BAIAP2L1: variants seen among roughly 807,000 people sequenced by gnomAD.
BAIAP2L1 encodes the protein BAR/IMD domain containing adaptor protein 2 like 1.
Under a neutral mutation model 66.3 loss-of-function variants are expected in BAIAP2L1, and 35 were observed. The observed-to-expected ratio is 0.53, with a 90% CI of 0.40 to 0.70. The LOEUF is 0.70. Ranked by LOEUF, BAIAP2L1 falls within the 30% of genes least tolerant of loss-of-function variation. The pLI is 0.00. For synonymous variants in BAIAP2L1, 269 were observed against 248.7 expected (o/e 1.08, Z -0.77); for missense variants, 622 against 656.9 (o/e 0.95, Z 0.58).
chr7:98,388,972 T>TA (rs530629720), intron 1 of BAIAP2L1, among the ~76,000 whole-genome samples: 3,905 of 110,408 alleles, frequency 0.035, 112 homozygotes, highest in African/African-American at 0.082. Context: ...CCTAAGAAAT[T>TA]AAAAAAAAAA....
chr7:98,397,459 G>T lies in BAIAP2L1; in HGVS notation c.51+3343C>A, dbSNP rs762038039. The stretch of plus-strand genomic sequence containing the variant: ...CCTGCCTCAGCCTCCCGAGTAGCTG[G>T]GACTACAGGCACGCGCCACCACACC... On this transcript the variant is annotated intron_variant, in intron 1 of 13. Coordinates refer to ENST00000005260, the MANE Select transcript of BAIAP2L1 (RefSeq NM_018842.5). 2.6e-5 allele frequency among the ~76,000 whole-genome samples: 4 copies of T among 151,624 alleles called. No homozygotes were observed. In the East Asian group the frequency reaches 7.7e-4, roughly 29 times the overall value.
chr7:98,331,178 G>A (rs751223471), intron 3 of BAIAP2L1, among the ~76,000 whole-genome samples: 1 of 152,100 alleles, frequency 6.6e-6, no homozygotes, highest in Non-Finnish European at 1.5e-5. Flanking sequence ...ATAAACTTCC[G>A]AAACTGAAAT....
At chr7:98,354,911 C>G (rs1034857733) in intron 3 of BAIAP2L1, 131 bp downstream of exon 3, 3 of 694,498 alleles carry the variant, frequency 4.3e-6, no homozygotes, top group Non-Finnish European at 7.8e-6. Flanking sequence ...TTCCACAGAC[C>G]GCGGTGAAGT....
At chr7:98,333,770 C>T (rs1037140619) in intron 3 of BAIAP2L1, among the ~76,000 whole-genome samples, 11 of 137,192 alleles carry the variant, frequency 8.0e-5, no homozygotes, top group Non-Finnish European at 1.2e-4. Context: ...ATTTTCCCCA[C>T]GAACCAAGAA....
chr7:98,318,746 C>A (rs1391102663), intron 5 of BAIAP2L1, among the ~76,000 whole-genome samples: 5 of 150,902 alleles, frequency 3.3e-5, no homozygotes, highest in African/African-American at 1.2e-4. Flanking sequence ...AGTTTGAGAC[C>A]AGCCTGGCTA....
chr7:98,333,248 T>C (rs563117971), intron 3 of BAIAP2L1, among the ~76,000 whole-genome samples: 1 of 152,280 alleles, frequency 6.6e-6, no homozygotes, highest in East Asian at 1.9e-4. Flanking sequence ...TTCTGTTTCA[T>C]TGATTTATCC....
At chr7:98,306,850 G>A in intron 10 of BAIAP2L1, 1 of 318,486 alleles carries the variant, frequency 3.1e-6, no homozygotes, top group South Asian at 3.5e-5. Context: ...GTGACTAGAA[G>A]TGTGCACCAC....
Position 98,315,626 on chromosome 7 carries a change from A to ATAATG in BAIAP2L1, c.487-15_487-14insCATTA. On this transcript the variant is annotated splice_polypyrimidine_tract_variant and intron_variant, in intron 6 of 13. Coordinates refer to ENST00000005260, the MANE Select transcript of BAIAP2L1 (RefSeq NM_018842.5). ...GGTCTCCACATACTAAAAAAAAAAA[A>ATAATG]ATAATAATAATAATAATTATATAAG... The ATAATG allele has an allele frequency of 9.3e-7, 1 of 1,077,250 alleles. No individual in the cohort carries two copies. The highest frequency in any genetic ancestry group is 1.2e-6 in the Non-Finnish European group (1 of 829,846). 66.7% of individuals were successfully genotyped at this position (1,077,250 alleles called of 1,614,324 possible).
intron 1 of BAIAP2L1, among the ~76,000 whole-genome samples, chr7:98,386,951 G>A (rs544363487): frequency 3.3e-4 from 50 of 151,978 alleles, no homozygotes; most frequent in African/African-American, 8.0e-4. Flanking sequence ...TGCCCGCCTC[G>A]GCCTCCCAAA....
intron 12 of BAIAP2L1, among the ~76,000 whole-genome samples, chr7:98,295,409 C>T (rs867064036): frequency 9.2e-5 from 14 of 152,318 alleles, no homozygotes; most frequent in African/African-American, 2.6e-4. Flanking sequence ...TTTAAATGGC[C>T]GCAAAAGTGA....
At chr7:98,300,579 G>A (rs903106447) in intron 12 of BAIAP2L1, among the ~76,000 whole-genome samples, 1 of 152,162 alleles carries the variant, frequency 6.6e-6, no homozygotes, top group Non-Finnish European at 1.5e-5. Flanking sequence ...CCTGCCGTGG[G>A]CCTTGGACAG....
intron 1 of BAIAP2L1, among the ~76,000 whole-genome samples, chr7:98,384,058 G>A (rs1340906937): frequency 2.0e-5 from 3 of 152,038 alleles, no homozygotes; most frequent in Admixed American, 6.6e-5. Context: ...GGAGGCTGAG[G>A]CAGGAGAATC....
intron 1 of BAIAP2L1, among the ~76,000 whole-genome samples, chr7:98,371,898 C>T (rs1352531185): frequency 6.6e-6 from 1 of 151,662 alleles, no homozygotes; most frequent in Non-Finnish European, 1.5e-5. Flanking sequence ...GGGTTCACAC[C>T]GTTCTCCTGC....
intron 1 of BAIAP2L1, chr7:98,386,416 T>C (rs913780237): frequency 3.1e-6 from 5 of 1,594,564 alleles, no homozygotes; most frequent in Non-Finnish European, 4.3e-6. Flanking sequence ...TCAGATGCAA[T>C]TTTGGTTCCT....
intron 5 of BAIAP2L1, among the ~76,000 whole-genome samples, chr7:98,319,281 T>C (rs1042823122): frequency 1.3e-5 from 2 of 152,168 alleles, no homozygotes; most frequent in Non-Finnish European, 2.9e-5. Flanking sequence ...GAAGGGGACC[T>C]GGATAAACCT....
intron 1 of BAIAP2L1, among the ~76,000 whole-genome samples, chr7:98,372,836 C>G (rs1275209212): frequency 6.7e-6 from 1 of 150,232 alleles, no homozygotes; most frequent in African/African-American, 2.4e-5. Context: ...ACCTCTGCCT[C>G]CTGAGTTCAA....
intron 1 of BAIAP2L1, among the ~76,000 whole-genome samples, chr7:98,394,357 T>C (rs1803150241): frequency 6.6e-6 from 1 of 152,338 alleles, no homozygotes; most frequent in African/African-American, 2.4e-5. Context: ...CTTCCTCTAG[T>C]GACTACCACA....
intron 1 of BAIAP2L1, among the ~76,000 whole-genome samples, chr7:98,390,978 C>T (rs1316673654): frequency 3.4e-5 from 5 of 149,238 alleles, no homozygotes; most frequent in African/African-American, 1.2e-4. Context: ...GGACTACAGG[C>T]GCACTCCACC....
At chr7:98,386,153 G>A (rs575464943) in intron 1 of BAIAP2L1, 324 of 1,587,608 alleles carry the variant, frequency 2.0e-4, no homozygotes, top group East Asian at 4.7e-4. Context: ...TGATTGTTGC[G>A]TTTTTTAGTA....
Sources: allele counts gnomAD v4.1 joint callset (sites outside exome capture counted in the v4.1 genomes callset), GRCh38; gene constraint gnomAD v4.1.1; transcripts MANE v1.5; gene names NCBI Gene and HGNC (gene_info 2026-07-23, HGNC 2026-07-21).